Variants in FBXO36 observed in about 807,000 individuals in gnomAD.
The protein encoded by FBXO36 is F-box only protein 36.
A neutral mutation model predicts 17.0 loss-of-function variants in FBXO36; 18 were observed. That is an observed-to-expected ratio of 1.06 (90% CI 0.73 to 1.57). The LOEUF (loss-of-function observed/expected upper bound fraction) is 1.57, where lower values mean the gene tolerates loss of function less well. Among genes scored for constraint, FBXO36 ranks in the 40% most tolerant of loss-of-function variants. The probability of loss-of-function intolerance (pLI) is 0.00; values close to 1 mark genes in which losing one functional copy is unlikely to be tolerated. For synonymous variants in FBXO36, 83 were observed against 85.3 expected (o/e 0.97, Z 0.15); for missense variants, 229 against 221.9 (o/e 1.03, Z -0.20).
At chr2:230,008,495 C>T (rs762442885) in intron 3 of FBXO36, among the ~76,000 whole-genome samples, 143 of 152,086 alleles carry the variant, frequency 9.4e-4, no homozygotes, top group Non-Finnish European at 1.8e-3. Flanking sequence ...GTATTTTGTA[C>T]ACGAACTTAT....
intron 1 of FBXO36, among the ~76,000 whole-genome samples, chr2:229,961,380 A>AT (rs1427241144): frequency 1.3e-5 from 2 of 151,216 alleles, no homozygotes; most frequent in East Asian, 3.9e-4. Context: ...ATTTTATTTT[A>AT]TTTTTTTCAT....
rs748422157 is a variant in FBXO36 at position 229,995,592 on chromosome 2, C to CTTTTTTTTTTTTTTTTTTTTTTTT, written c.206-1156_206-1155insTTTTTTTTTTTTTTTTTTTTTTTT. On this transcript the variant is annotated intron_variant, in intron 2 of 3. Transcript: ENST00000283946. The stretch of plus-strand genomic sequence containing the variant: ...TTTCTTTCTTTCTTTCTCTTTCTTT[C>CTTTTTTTTTTTTTTTTTTTTTTTT]TTTCTTTTTTTTTTTTTTGGACAGA... Among the ~76,000 whole-genome samples, 4 of 114,552 alleles carry CTTTTTTTTTTTTTTTTTTTTTTTT rather than the reference C, an allele frequency of 3.5e-5. 2 individuals are homozygous for CTTTTTTTTTTTTTTTTTTTTTTTT. The highest frequency in any genetic ancestry group is 7.2e-5 in the Non-Finnish European group (4 of 55,186). The allele number at this position is 114,552 out of a possible 152,430, so 75.2% of individuals were successfully genotyped here.
intron 1 of FBXO36, among the ~76,000 whole-genome samples, chr2:229,934,289 T>C (rs1338855800): frequency 6.6e-6 from 1 of 151,958 alleles, no homozygotes; most frequent in African/African-American, 2.4e-5. Context: ...TAGTCCCAGC[T>C]ACTCGGGAGG....
chr2:229,973,059 CAAA>C (rs1317082401), intron 1 of FBXO36, among the ~76,000 whole-genome samples: 1 of 112,488 alleles, frequency 8.9e-6, no homozygotes, highest in Non-Finnish European at 1.9e-5. Flanking sequence ...GACTCTGTCT[CAAA>C]AAAAAAAAAA....
At chr2:229,993,461 A>G (rs1323195030) in intron 2 of FBXO36, among the ~76,000 whole-genome samples, 3 of 152,140 alleles carry the variant, frequency 2.0e-5, no homozygotes, top group African/African-American at 4.8e-5. Context: ...CCTCTTTGTT[A>G]ATAGGGCAGC....
chr2:229,985,902 G>T (rs1418546593), intron 2 of FBXO36, among the ~76,000 whole-genome samples: 2 of 152,020 alleles, frequency 1.3e-5, no homozygotes, highest in Non-Finnish European at 2.9e-5. Flanking sequence ...AAAAAAATTA[G>T]CTGGGCATGG....
At chr2:230,009,208 G>A (rs1258644364) in intron 3 of FBXO36, among the ~76,000 whole-genome samples, 1 of 152,128 alleles carries the variant, frequency 6.6e-6, no homozygotes, top group South Asian at 2.1e-4. Context: ...CAACAGGGCT[G>A]GCCAGGGCTG....
At chr2:230,005,437 C>G (rs1159196854) in intron 3 of FBXO36, among the ~76,000 whole-genome samples, 1 of 152,034 alleles carries the variant, frequency 6.6e-6, no homozygotes, top group Non-Finnish European at 1.5e-5. Context: ...TGTTTACCCT[C>G]TGTATTTATA....
At chr2:229,982,702 G>T (rs904499890) in intron 2 of FBXO36, among the ~76,000 whole-genome samples, 1 of 151,340 alleles carries the variant, frequency 6.6e-6, no homozygotes, top group Admixed American at 6.6e-5. Flanking sequence ...AGCTACTTGG[G>T]AGGCTGAGGG....
chr2:230,000,248 G>A (rs190830247), intron 3 of FBXO36, among the ~76,000 whole-genome samples: 1 of 150,074 alleles, frequency 6.7e-6, no homozygotes, highest in African/African-American at 2.4e-5. Flanking sequence ...ATCCCAGGTA[G>A]TTGGGAGGCT....
intron 1 of FBXO36, chr2:229,923,310 A>G (rs1245701864): frequency 6.6e-6 from 1 of 152,150 alleles, no homozygotes; most frequent in African/African-American, 2.4e-5. Flanking sequence ...TTTTATGCCT[A>G]CTTTGGTTAT....
chr2:229,934,458 A>G (rs565348782), intron 1 of FBXO36, among the ~76,000 whole-genome samples: 2 of 152,216 alleles, frequency 1.3e-5, no homozygotes, highest in Admixed American at 6.5e-5. Flanking sequence ...TCTCCAAGAG[A>G]CTACTGCAGA....
intron 3 of FBXO36, among the ~76,000 whole-genome samples, chr2:230,009,610 A>G (rs1337694429): frequency 1.3e-5 from 2 of 152,182 alleles, no homozygotes; most frequent in Non-Finnish European, 2.9e-5. Flanking sequence ...CTGGCTAAAG[A>G]CAGACAGAAG....
chr2:229,967,253 C>T (rs533589971), intron 1 of FBXO36, among the ~76,000 whole-genome samples: 1 of 152,250 alleles, frequency 6.6e-6, no homozygotes, highest in Admixed American at 6.6e-5. Context: ...GCTGAAGTTG[C>T]TTATCAGCTT....
chr2:229,983,019 G>A (rs1339677938), intron 2 of FBXO36, among the ~76,000 whole-genome samples: 1 of 151,990 alleles, frequency 6.6e-6, no homozygotes, highest in African/African-American at 2.4e-5. Flanking sequence ...ATCTCACTCT[G>A]TTGCCCAGGC....
Position 230,011,229 on chromosome 2 carries a change from AT to A in FBXO36, c.*349del. ...ATTAGCAGGTTTTTATTAGACATCT[AT>A]TTTATCTAGGCATTAGAAAGGGTAA... On this transcript the variant is annotated 3_prime_UTR_variant, in exon 4 of 4. Transcript: ENST00000283946. The A allele has an allele frequency of 6.1e-6, 1 of 163,682 alleles. No homozygotes were observed. The highest frequency in any genetic ancestry group is 1.3e-5 in the Non-Finnish European group (1 of 75,496). The allele number at this position is 163,682 out of a possible 1,614,324, so 10.1% of individuals were successfully genotyped here.
intron 1 of FBXO36, among the ~76,000 whole-genome samples, chr2:229,969,525 A>G (rs1360539922): frequency 1.3e-5 from 2 of 152,102 alleles, no homozygotes; most frequent in African/African-American, 4.8e-5. Flanking sequence ...TGTCTCTACT[A>G]AAAATACAAA....
chr2:230,002,623 A>G, intron 3 of FBXO36, among the ~76,000 whole-genome samples: 1 of 152,072 alleles, frequency 6.6e-6, no homozygotes, highest in East Asian at 1.9e-4. Flanking sequence ...GGCTGAAGCA[A>G]TCCTCCTGCT....
At chr2:230,005,754 G>A (rs960181436) in intron 3 of FBXO36, among the ~76,000 whole-genome samples, 1 of 152,048 alleles carries the variant, frequency 6.6e-6, no homozygotes, top group Non-Finnish European at 1.5e-5. Flanking sequence ...TGCAGCCTCC[G>A]CCTCCCAGAT....
Sources: gnomAD v4.1 joint callset for allele counts (sites outside exome capture counted in the v4.1 genomes callset) on GRCh38, gnomAD v4.1.1 for gene constraint, MANE v1.5 for transcripts, NCBI Gene and HGNC (gene_info 2026-07-23, HGNC 2026-07-21) for gene names.